SMCO1: variants seen among roughly 807,000 people sequenced by gnomAD.
The protein encoded by SMCO1 is single-pass membrane protein with coiled-coil domains 1, also known as single-pass membrane and coiled-coil domain-containing protein 1.
Under a neutral mutation model 7.5 loss-of-function variants are expected in SMCO1, and 9 were observed. That is an observed-to-expected ratio of 1.20 (90% CI 0.72 to 2.09). SMCO1 has a LOEUF of 2.09. SMCO1 is among the 30% of genes most tolerant of loss of function. SMCO1 has a pLI of 0.00. For missense variants in SMCO1, 219 were observed against 253.1 expected (o/e 0.87, Z 0.91); for synonymous variants, 90 against 93.8 (o/e 0.96, Z 0.23).
chr3:196,515,536 T>C (rs145589785), upstream of SMCO1, among the ~76,000 whole-genome samples: 1 of 152,362 alleles, frequency 6.6e-6, no homozygotes, highest in East Asian at 1.9e-4. Context: ...GGTAAATGTA[T>C]ATACAGATAC....
Position 196,508,118 on chromosome 3 carries a change from T to G in SMCO1, c.414A>C (p.Ala138=). 1 of 1,614,108 alleles carries G rather than the reference T, an allele frequency of 6.2e-7. No individual in the cohort carries two copies. Reference sequence around the variant, plus strand: ...CACGTGCAATAAAGAAGGTACAAAGTGCTGTGATGTCTCCTTCTTGCAGCC... The same window carrying G: ...CACGTGCAATAAAGAAGGTACAAAGGGCTGTGATGTCTCCTTCTTGCAGCC... ...ECGLQEGDIT[A]LCTFFIARGN... Residue 138 remains alanine, a synonymous_variant, in exon 3 of 3, where the codon GCA becomes GCC. Transcript: ENST00000397537.
upstream of SMCO1, among the ~76,000 whole-genome samples, chr3:196,515,988 GATATATATATATATAT>G (rs200613159): frequency 0.052 from 1,245 of 23,862 alleles, 33 homozygotes; most frequent in Non-Finnish European, 0.061. Context: ...AAGAGGATAG[GATATATATATATATAT>G]ATATATATAT....
intron 1 of SMCO1, among the ~76,000 whole-genome samples, chr3:196,511,157 A>G (rs6807097): frequency 0.33 from 41,315 of 123,754 alleles, 8,645 homozygotes; most frequent in Middle Eastern, 0.46. Flanking sequence ...TGCCTGAGCC[A>G]CCTAGATTGT....
At chr3:196,519,195 G>A (rs980419708), upstream of SMCO1, among the ~76,000 whole-genome samples, 4 of 152,214 alleles carry the variant, frequency 2.6e-5, no homozygotes, top group African/African-American at 9.6e-5. Context: ...TCCTGTTGGG[G>A]AAGATCAGGA....
At position 196,507,795 on chromosome 3, in the gene SMCO1, A is replaced by G. The variant is rs1051552820; in HGVS notation, c.*92T>C. 1 of 719,280 alleles carries G rather than the reference A, an allele frequency of 1.4e-6. No individual in the cohort carries two copies. Among genetic ancestry groups the G allele is most frequent in the African/African-American group, 1.8e-5 (1 of 55,950 alleles). 44.6% of individuals were successfully genotyped at this position (719,280 alleles called of 1,614,324 possible). Reference sequence around the variant, plus strand: ...ATTTAACATCCTCTCACTCTTTGCTATAAAAATAAGACTATAATAAATTGT... The same window carrying G: ...ATTTAACATCCTCTCACTCTTTGCTGTAAAAATAAGACTATAATAAATTGT... On this transcript the variant is annotated 3_prime_UTR_variant, in exon 3 of 3. Transcript: ENST00000397537.
At chr3:196,509,430 G>T in intron 2 of SMCO1, 90 bp downstream of exon 2, 1 of 1,105,808 alleles carries the variant, frequency 9.0e-7, no homozygotes, top group Non-Finnish European at 1.3e-6. Flanking sequence ...ATCCATTGTG[G>T]GAAACATACT....
chr3:196,520,480 CT>C, the SMCO1 span, among the ~76,000 whole-genome samples: 1 of 152,076 alleles, frequency 6.6e-6, no homozygotes, highest in African/African-American at 2.4e-5. Flanking sequence ...CCATCAGCTC[CT>C]CCAGCTCCAC....
At position 196,508,105 on chromosome 3, in the gene SMCO1, A is replaced by G. The variant is rs771960992; in HGVS notation, c.427T>C (p.Phe143Leu). Reference protein sequence around the residue: ...EGDITALCTFFIARGNKAEHY... With the variant: ...EGDITALCTFLIARGNKAEHY... ...TCTGCCTTGTTACCACGTGCAATAAAGAAGGTACAAAGTGCTGTGATGTCT... is the reference window on the plus strand; with the variant it reads ...TCTGCCTTGTTACCACGTGCAATAAGGAAGGTACAAAGTGCTGTGATGTCT... Residue 143 changes from phenylalanine to leucine, a missense_variant, in exon 3 of 3, where the codon TTT becomes CTT. By Grantham distance (22) the Phe-to-Leu change is conservative. Coordinates refer to ENST00000397537, the MANE Select transcript of SMCO1 (RefSeq NM_001077657.3). The G allele has an allele frequency of 2.5e-6, 4 of 1,614,166 alleles. No homozygotes were observed. Among genetic ancestry groups the G allele is most frequent in the Non-Finnish European group, 3.4e-6 (4 of 1,180,030 alleles).
At position 196,507,870 on chromosome 3, in the gene SMCO1, G is replaced by A; in HGVS notation, c.*17C>T. The A allele has an allele frequency of 6.6e-7, 1 of 1,505,258 alleles. No homozygotes were observed. Among genetic ancestry groups the A allele is most frequent in the Non-Finnish European group, 9.1e-7 (1 of 1,096,524 alleles). The allele number at this position is 1,505,258 out of a possible 1,614,324, so 93.2% of individuals were successfully genotyped here. The stretch of plus-strand genomic sequence containing the variant: ...TAAATTACTGTAGGTGGAATCACTG[G>A]GTCATAGGGTAACAGGTTAGTTTTT... On this transcript the variant is annotated 3_prime_UTR_variant, in exon 3 of 3. Coordinates refer to ENST00000397537, the MANE Select transcript of SMCO1 (RefSeq NM_001077657.3).
rs949885037 is a variant in SMCO1, at chr3:196,507,600, TTA to T, written c.*285_*286del. ...AAACTAATATGTGTTATATATATAT[TTA>T]TATATATATATTTGTCACCTTTTTT... is the stretch of plus-strand genomic sequence containing the variant. On this transcript the variant is annotated 3_prime_UTR_variant, in exon 3 of 3. Transcript: ENST00000397537. 1.4e-4 allele frequency: 21 copies of T among 155,484 alleles called. No individual in the cohort carries two copies. Among genetic ancestry groups the T allele is most frequent in the South Asian group, 1.9e-4 (1 of 5,138 alleles). 9.6% of individuals were successfully genotyped at this position (155,484 alleles called of 1,614,324 possible).
chr3:196,509,081 G>A (rs1248062349), intron 2 of SMCO1, among the ~76,000 whole-genome samples: 14 of 150,350 alleles, frequency 9.3e-5, no homozygotes, highest in Admixed American at 1.3e-4. Flanking sequence ...ACGGAGTCTC[G>A]CTTTGTCACC....
chr3:196,520,161 A>G (rs911506926), upstream of SMCO1, among the ~76,000 whole-genome samples: 5 of 152,188 alleles, frequency 3.3e-5, no homozygotes, highest in African/African-American at 1.2e-4. Context: ...CCTTCTTACC[A>G]TCCTGGGGAC....
rs1243405628 is a variant in SMCO1 at position 196,509,640 on chromosome 3, G to A, written c.80C>T (p.Thr27Ile). The stretch of plus-strand genomic sequence containing the variant: ...GGTGAAGTCTAGTTCTTTGAACTGT[G>A]TTTCTAACGCTTGGAGTTTGTGGTC... Reference protein sequence around the residue: ...RVDHKLQALETQFKELDFTKD... With the variant: ...RVDHKLQALEIQFKELDFTKD... Residue 27 changes from threonine (T) to isoleucine (I), a missense_variant, in exon 2 of 3, where the codon ACA (threonine) becomes ATA (isoleucine). Coordinates refer to ENST00000397537, the MANE Select transcript of SMCO1 (RefSeq NM_001077657.3). 1 of 1,614,056 alleles carries A rather than the reference G, an allele frequency of 6.2e-7. No homozygotes were observed. Among genetic ancestry groups the A allele is most frequent in the Admixed American group, 1.7e-5 (1 of 60,010 alleles).
chr3:196,519,515 G>A (rs568926505), upstream of SMCO1, among the ~76,000 whole-genome samples: 8 of 152,218 alleles, frequency 5.3e-5, no homozygotes, highest in Admixed American at 5.2e-4. Flanking sequence ...CTGTCCCATC[G>A]GCAGGAAAAT....
chr3:196,518,507 G>T (rs1402947731), upstream of SMCO1, among the ~76,000 whole-genome samples: 3 of 152,090 alleles, frequency 2.0e-5, no homozygotes, highest in African/African-American at 7.2e-5. Flanking sequence ...TAGAGACGGG[G>T]TTTCGCCATG....
At chr3:196,514,529 G>T (rs1253527143) in intron 1 of SMCO1, among the ~76,000 whole-genome samples, 1 of 152,124 alleles carries the variant, frequency 6.6e-6, no homozygotes, top group South Asian at 2.1e-4. Context: ...ACCATTGTAA[G>T]GTCAGTCACA....
upstream of SMCO1, among the ~76,000 whole-genome samples, chr3:196,516,014 TATATATA>T (rs1196097905): frequency 4.2e-4 from 40 of 94,740 alleles, no homozygotes; most frequent in African/African-American, 4.0e-3. Context: ...TATATATATA[TATATATA>T]TATATATATA....
upstream of SMCO1, among the ~76,000 whole-genome samples, chr3:196,518,469 G>A (rs748581047): frequency 2.0e-5 from 3 of 152,060 alleles, no homozygotes; most frequent in Non-Finnish European, 2.9e-5. Context: ...GCCATATCAC[G>A]ATGCTCAGCT....
intron 2 of SMCO1, among the ~76,000 whole-genome samples, chr3:196,509,294 G>A (rs1008002781): frequency 4.8e-5 from 7 of 146,468 alleles, no homozygotes; most frequent in African/African-American, 1.8e-4. Context: ...TCGATCTCCT[G>A]ACCTCGTGAT....
Sources: allele counts gnomAD v4.1 joint callset (sites outside exome capture counted in the v4.1 genomes callset), GRCh38; gene constraint gnomAD v4.1.1; transcripts MANE v1.5; gene names NCBI Gene and HGNC (gene_info 2026-07-23, HGNC 2026-07-21).